Variants in SAMHD1 observed in about 807,000 individuals in gnomAD.
SAMHD1 encodes the protein SAM and HD domain containing deoxynucleoside triphosphate triphosphohydrolase 1.
A neutral mutation model predicts 79.6 loss-of-function variants in SAMHD1; 54 were observed. The observed-to-expected ratio is 0.68, with a 90% CI of 0.55 to 0.85. The LOEUF (loss-of-function observed/expected upper bound fraction) is 0.85. Among genes scored for constraint, SAMHD1 ranks in the 40% least tolerant of loss-of-function variants. The probability of loss-of-function intolerance (pLI) is 0.00; values close to 1 mark genes in which losing one functional copy is unlikely to be tolerated. For synonymous variants in SAMHD1, 260 were observed against 264.1 expected (o/e 0.98, Z 0.15); for missense variants, 663 against 782.7 (o/e 0.85, Z 1.82).
chr20:36,934,267 T>C lies in SAMHD1; in HGVS notation c.509+762A>G, dbSNP rs368623854. ...GGGGCTGGGCACAGTGGCTCATACC[T>C]GTAATCCCAGTACTTTGGGAGGCCG... is the stretch of plus-strand genomic sequence containing the variant. On this transcript the variant is annotated intron_variant, in intron 4 of 15. Coordinates refer to ENST00000646673, the MANE Select transcript of SAMHD1 (RefSeq NM_015474.4). Among the ~76,000 whole-genome samples the C allele has an allele frequency of 1.1e-4, 16 of 151,984 alleles. No individual in the cohort carries two copies. The South Asian group carries it at 1.2e-3, about 12-fold the overall frequency.
At chr20:36,898,985 T>A (rs2148356421) in intron 13 of SAMHD1, among the ~76,000 whole-genome samples, 1 of 150,454 alleles carries the variant, frequency 6.6e-6, no homozygotes, top group East Asian at 1.9e-4. Flanking sequence ...AGAATGTTGA[T>A]GTGACTCATG....
Position 36,892,941 on chromosome 20 carries a change from GTCA to G in SAMHD1, c.1869_1871del (p.Asp624del), listed in dbSNP as rs1568756364. 1.2e-6 allele frequency: 2 copies of G among 1,613,992 alleles called. No individual in the cohort carries two copies. The highest frequency in any genetic ancestry group is 4.5e-5 in the East Asian group (2 of 44,870). ...AACTGACTACAGACATTCACATTGGGTCATCTTTAAAAAGCTGGACTCTGCTTT... is the reference window on the plus strand; with the variant it reads ...AACTGACTACAGACATTCACATTGGGTCTTTAAAAAGCTGGACTCTGCTTT... On this transcript the variant is annotated inframe_deletion, in exon 16 of 16. Transcript: ENST00000646673.
Position 36,945,528 on chromosome 20 carries a change from T to C in SAMHD1, c.275+1210A>G, listed in dbSNP as rs189734033. Among the ~76,000 whole-genome samples the C allele has an allele frequency of 1.9e-3, 287 of 152,310 alleles. 1 individual carries two copies. The highest frequency in any genetic ancestry group is 6.4e-3 in the African/African-American group (267 of 41,566). ...TGTGTATAATTCAATTATTCTGAAC[T>C]TGAGAGTAAAAAGTTGGTCACTACA... On this transcript the variant is annotated intron_variant, in intron 2 of 15. Transcript: ENST00000646673.
At chr20:36,894,623 C>T (rs560103521) in intron 15 of SAMHD1, among the ~76,000 whole-genome samples, 1 of 151,380 alleles carries the variant, frequency 6.6e-6, no homozygotes, top group South Asian at 2.1e-4. Context: ...AAAAATTAGC[C>T]GGGCATGGTG....
chr20:36,937,820 TCATTTATAATTTATAA>T (rs1462229181), intron 3 of SAMHD1, among the ~76,000 whole-genome samples: 1 of 151,878 alleles, frequency 6.6e-6, no homozygotes, highest in Non-Finnish European at 1.5e-5. Context: ...CCAACAACTG[TCATTTATAATTTATAA>T]ATGAGGTTAA....
At chr20:36,908,284 C>T (rs1310800220) in intron 11 of SAMHD1, among the ~76,000 whole-genome samples, 2 of 151,620 alleles carry the variant, frequency 1.3e-5, no homozygotes. Context: ...GCTCTGTTAC[C>T]CAGGCTGGAC....
intron 2 of SAMHD1, among the ~76,000 whole-genome samples, chr20:36,945,796 A>G (rs1004788603): frequency 1.3e-5 from 2 of 151,810 alleles, no homozygotes; most frequent in African/African-American, 4.8e-5. Flanking sequence ...CTGTAATCCC[A>G]GCTACTCAGG....
intron 4 of SAMHD1, among the ~76,000 whole-genome samples, chr20:36,932,365 A>C (rs1159056459): frequency 1.3e-5 from 2 of 149,998 alleles, no homozygotes; most frequent in Non-Finnish European, 3.0e-5. Context: ...AAAAAAAAAA[A>C]AAAAAAAAGT....
intron 15 of SAMHD1, among the ~76,000 whole-genome samples, chr20:36,895,888 G>C (rs1438415775): frequency 6.6e-6 from 1 of 152,040 alleles, no homozygotes; most frequent in African/African-American, 2.4e-5. Context: ...AGCATGTACA[G>C]AATTTCTTCT....
intron 3 of SAMHD1, among the ~76,000 whole-genome samples, chr20:36,935,807 G>C (rs2063599617): frequency 6.6e-6 from 1 of 152,142 alleles, no homozygotes; most frequent in Non-Finnish European, 1.5e-5. Flanking sequence ...CTGACCTCAA[G>C]TGATCCGCCC....
At chr20:36,896,538 A>C (rs182482232) in intron 15 of SAMHD1, among the ~76,000 whole-genome samples, 1 of 152,214 alleles carries the variant, frequency 6.6e-6, no homozygotes, top group East Asian at 1.9e-4. Flanking sequence ...CTCCACACTT[A>C]ACAGTAAGAA....
rs762003939 is a variant in SAMHD1, at chr20:36,927,166, C to G, written c.696+16G>C. 6.3e-7 allele frequency: 1 copy of G among 1,598,346 alleles called. No homozygotes were observed. Among genetic ancestry groups the G allele is most frequent in the Non-Finnish European group, 8.6e-7 (1 of 1,165,688 alleles). On this transcript the variant is annotated intron_variant, in intron 6 of 15. Transcript: ENST00000646673. ...AGTCTTTCTTTTTATTGACTATTGA[C>G]TGTATGAATACATACCGTCCATTTC...
intron 4 of SAMHD1, among the ~76,000 whole-genome samples, chr20:36,932,164 G>T (rs1056999066): frequency 6.6e-6 from 1 of 151,872 alleles, no homozygotes; most frequent in Non-Finnish European, 1.5e-5. Context: ...CAGCTACTTG[G>T]AAGGCTGTAA....
At position 36,906,044 on chromosome 20, in the gene SAMHD1, G is replaced by C. The variant is rs551677600; in HGVS notation, c.1271-541C>G. On this transcript the variant is annotated intron_variant, in intron 11 of 15. Transcript: ENST00000646673. Reference sequence around the variant, plus strand: ...GTAATCCAGAGAGTGGGGAAGGATAGAGAGAAATAAGACTGCATTGGAGTT... The same window carrying C: ...GTAATCCAGAGAGTGGGGAAGGATACAGAGAAATAAGACTGCATTGGAGTT... 3.9e-5 allele frequency among the ~76,000 whole-genome samples: 6 copies of C among 152,308 alleles called. No individual in the cohort carries two copies. In the South Asian group the frequency reaches 1.2e-3, roughly 32 times the overall value.
At chr20:36,951,382 G>A in intron 1 of SAMHD1, 54 bp downstream of exon 1, 4 of 1,607,306 alleles carry the variant, frequency 2.5e-6, no homozygotes, top group African/African-American at 1.3e-5. Flanking sequence ...CAGGGCGCCT[G>A]GCCCGCGCCC....
intron 3 of SAMHD1, among the ~76,000 whole-genome samples, chr20:36,937,756 T>A (rs1272527290): frequency 6.6e-6 from 1 of 152,172 alleles, no homozygotes; most frequent in Non-Finnish European, 1.5e-5. Context: ...TTAAATTCAT[T>A]TAAGGTATTG....
At chr20:36,939,237 G>C (rs1334452437) in intron 3 of SAMHD1, among the ~76,000 whole-genome samples, 2 of 106,520 alleles carry the variant, frequency 1.9e-5, no homozygotes, top group Non-Finnish European at 3.4e-5. Context: ...CTGGGCAACA[G>C]AGCGAGACTC....
At chr20:36,921,684 C>G (rs1392539883) in intron 6 of SAMHD1, among the ~76,000 whole-genome samples, 1 of 150,988 alleles carries the variant, frequency 6.6e-6, no homozygotes, top group African/African-American at 2.4e-5. Flanking sequence ...CCACCACACC[C>G]AGCTAATTTT....
intron 6 of SAMHD1, among the ~76,000 whole-genome samples, chr20:36,923,413 C>T (rs1022230196): frequency 6.6e-6 from 1 of 151,754 alleles, no homozygotes; most frequent in African/African-American, 2.4e-5. Flanking sequence ...CAGGGCAAGA[C>T]CCTCTCTCAA....
Sources: gnomAD v4.1 joint callset for allele counts (sites outside exome capture counted in the v4.1 genomes callset) on GRCh38, gnomAD v4.1.1 for gene constraint, MANE v1.5 for transcripts, NCBI Gene and HGNC (gene_info 2026-07-23, HGNC 2026-07-21) for gene names.